The following PTPDC1 variants were observed in gnomAD, a reference collection of about 807,000 sequenced individuals.
PTPDC1 encodes protein tyrosine phosphatase domain-containing protein 1.
A neutral mutation model predicts 75.3 loss-of-function variants in PTPDC1; 53 were observed. The ratio of observed to expected loss-of-function variants is 0.70; its 90% CI spans 0.56 to 0.88. The LOEUF is 0.88. Among genes scored for constraint, PTPDC1 ranks in the 40% least tolerant of loss-of-function variants. The probability of loss-of-function intolerance (pLI) is 0.00; values close to 1 mark genes in which losing one functional copy is unlikely to be tolerated. For synonymous variants in PTPDC1, 349 were observed against 366.2 expected (o/e 0.95, Z 0.54); for missense variants, 925 against 998.6 (o/e 0.93, Z 0.99).
Position 94,097,757 on chromosome 9 carries a change from G to T in PTPDC1, c.1191G>T (p.Val397=), listed in dbSNP as rs145263630. ...DKELLRHDSD[V]SNPPNPTAVA... is the part of the protein sequence containing the mutation. Reference sequence around the variant, plus strand: ...AGTTACTGAGGCATGACAGTGATGTGTCCAACCCGCCTAACCCCACTGCAG... The same window carrying T: ...AGTTACTGAGGCATGACAGTGATGTTTCCAACCCGCCTAACCCCACTGCAG... The change falls in exon 6 of 9, where the codon GTG becomes GTT. Residue 397 remains valine, a synonymous_variant. Transcript: ENST00000620992. 2.4e-4 allele frequency: 385 copies of T among 1,614,176 alleles called. 1 individual carries two copies. The highest frequency in any genetic ancestry group is 8.2e-4 in the Middle Eastern group (5 of 6,062).
At chr9:94,087,488 T>A (rs1329475267) in intron 2 of PTPDC1, among the ~76,000 whole-genome samples, 1 of 152,204 alleles carries the variant, frequency 6.6e-6, no homozygotes, top group Non-Finnish European at 1.5e-5. Context: ...AAAAAGCAGA[T>A]AAATAAGAAT....
Position 94,097,722 on chromosome 9 carries a change from C to G in PTPDC1, c.1156C>G (p.Leu386Val), listed in dbSNP as rs1229282685. 1 of 1,614,144 alleles carries G rather than the reference C, an allele frequency of 6.2e-7. No homozygotes were observed. The highest frequency in any genetic ancestry group is 8.5e-7 in the Non-Finnish European group (1 of 1,179,990). The change falls in exon 6 of 9, where the codon CTG becomes GTG. Residue 386 changes from leucine to valine, a missense_variant. Physicochemically the swap from Leu to Val is conservative, Grantham distance 32. Transcript: ENST00000620992. ...AATGTCTGAGATGGTCACCATGCAG[C>G]TGGATAAAGAGTTACTGAGGCATGA... is the stretch of plus-strand genomic sequence containing the variant. ...KTMSEMVTMQ[L>V]DKELLRHDSD...
intron 8 of PTPDC1, among the ~76,000 whole-genome samples, chr9:94,107,602 C>T (rs912581799): frequency 1.1e-4 from 17 of 152,156 alleles, no homozygotes; most frequent in African/African-American, 4.1e-4. Flanking sequence ...GACTAAATAT[C>T]CAGGCACTAG....
At chr9:94,106,383 A>G (rs1037922053) in intron 8 of PTPDC1, among the ~76,000 whole-genome samples, 2 of 152,194 alleles carry the variant, frequency 1.3e-5, no homozygotes, top group Non-Finnish European at 2.9e-5. Flanking sequence ...CTTCAGGGCA[A>G]AGGTTGGCAG....
In PTPDC1 at chr9:94,076,114, C is replaced by T. The variant is rs551219487; in HGVS notation, c.83-9137C>T. On this transcript the variant is annotated intron_variant, in intron 2 of 9. Transcript: ENST00000375360. ...TCCCAGTTTTCAAGCAATTCTTCTGCCTCAGCCTCTCAAGTAGCTGGGATT... is the reference window on the plus strand; with the variant it reads ...TCCCAGTTTTCAAGCAATTCTTCTGTCTCAGCCTCTCAAGTAGCTGGGATT... 2.6e-5 allele frequency among the ~76,000 whole-genome samples: 4 copies of T among 152,262 alleles called. No homozygotes were observed. The East Asian group carries it at 5.8e-4, about 22-fold the overall frequency.
intron 1 of PTPDC1, among the ~76,000 whole-genome samples, chr9:94,047,171 A>G (rs1288431905): frequency 1.3e-5 from 2 of 152,234 alleles, no homozygotes; most frequent in Non-Finnish European, 2.9e-5. Flanking sequence ...ATGTTGAACC[A>G]GCCTTGCATC....
chr9:94,055,379 A>G lies in PTPDC1; in HGVS notation c.-6-9355A>G, dbSNP rs1475811755. Among the ~76,000 whole-genome samples the G allele has an allele frequency of 2.6e-5, 4 of 152,354 alleles. No individual in the cohort carries two copies. The East Asian group carries it at 5.8e-4, about 22-fold the overall frequency. Reference sequence around the variant, plus strand: ...AGATGAGCAGAAAACTTAGGTCTACACAGAAATCTGCACATGAATGTGTAT... The same window carrying G: ...AGATGAGCAGAAAACTTAGGTCTACGCAGAAATCTGCACATGAATGTGTAT... On this transcript the variant is annotated intron_variant, in intron 1 of 9. Transcript: ENST00000375360.
At chr9:94,104,203 A>G in intron 7 of PTPDC1, 72 bp from the exon 8 acceptor site, 1 of 964,114 alleles carries the variant, frequency 1.0e-6, no homozygotes, top group East Asian at 2.5e-5. Flanking sequence ...TCTTGACTCT[A>G]CGATAGTTTT....
chr9:94,095,217 A>G (rs1827511042), intron 4 of PTPDC1, 100 bp from the exon 5 acceptor site: 2 of 856,928 alleles, frequency 2.3e-6, no homozygotes, highest in South Asian at 1.7e-5. Context: ...TGAGATCTAC[A>G]TGCCTCAGTC....
At chr9:94,035,139 T>G (rs1825224552) in intron 1 of PTPDC1, among the ~76,000 whole-genome samples, 1 of 152,206 alleles carries the variant, frequency 6.6e-6, no homozygotes, top group Non-Finnish European at 1.5e-5. Context: ...ATTGCCTGTT[T>G]AATTGGTGTT....
chr9:94,032,304 A>T (rs1829743733), intron 1 of PTPDC1, among the ~76,000 whole-genome samples: 1 of 152,168 alleles, frequency 6.6e-6, no homozygotes, highest in Non-Finnish European at 1.5e-5. Flanking sequence ...ACAGGGCTGG[A>T]GGATCTGCAT....
At chr9:94,083,266 C>G (rs1002166946), upstream of PTPDC1, among the ~76,000 whole-genome samples, 1 of 152,142 alleles carries the variant, frequency 6.6e-6, no homozygotes, top group Non-Finnish European at 1.5e-5. Context: ...CATATAATTC[C>G]TCCGACAGGA....
chr9:94,042,828 G>T (rs571258436), intron 1 of PTPDC1, among the ~76,000 whole-genome samples: 1 of 152,150 alleles, frequency 6.6e-6, no homozygotes. Flanking sequence ...CTTAAACCCT[G>T]CCACTGCTTT....
chr9:94,040,692 A>G (rs1825403824), intron 1 of PTPDC1, among the ~76,000 whole-genome samples: 1 of 152,158 alleles, frequency 6.6e-6, no homozygotes, highest in African/African-American at 2.4e-5. Flanking sequence ...TTATTTTTAC[A>G]TATTTGTACA....
At chr9:94,078,192 G>A (rs1031695360) in intron 2 of PTPDC1, among the ~76,000 whole-genome samples, 34 of 152,084 alleles carry the variant, frequency 2.2e-4, no homozygotes, top group African/African-American at 6.8e-4. Context: ...TTTCTTACAC[G>A]CTAAGTCTGC....
chr9:94,069,122 C>T (rs1826420404), intron 2 of PTPDC1, among the ~76,000 whole-genome samples: 1 of 152,276 alleles, frequency 6.6e-6, no homozygotes. Context: ...GGAAATATAA[C>T]CAAGATCTGG....
At position 94,085,236 on chromosome 9, in the gene PTPDC1, C is replaced by A. The variant is rs1474453573; in HGVS notation, c.245-15C>A. The A allele has an allele frequency of 6.2e-7, 1 of 1,605,426 alleles. No homozygotes were observed. Among genetic ancestry groups the A allele is most frequent in the African/African-American group, 1.3e-5 (1 of 74,588 alleles). On this transcript the variant is annotated splice_polypyrimidine_tract_variant and intron_variant, in intron 1 of 8. Transcript: ENST00000620992. ...AGAGTGGAATTTTGAATTTTCCTTT[C>A]CTTATATGTTCTAGGAAATTTAGAA...
rs142408898 is a variant in PTPDC1, at chr9:94,097,854, C to T, written c.1288C>T (p.Arg430Trp). Reference protein sequence around the residue: ...EQQFDPLWKRRNVECLQPLTH... With the variant: ...EQQFDPLWKRWNVECLQPLTH... ...ACAGTTTGACCCTCTTTGGAAAAGG[C>T]GGAATGTTGAGTGCCTTCAACCCCT... Residue 430 changes from arginine to tryptophan, a missense_variant, in exon 6 of 9, where the codon CGG becomes TGG. Transcript: ENST00000620992. 3.6e-4 allele frequency: 576 copies of T among 1,614,110 alleles called. 1 individual carries two copies. The highest frequency in any genetic ancestry group is 4.5e-4 in the Non-Finnish European group (536 of 1,180,040).
chr9:94,038,093 GA>G, intron 1 of PTPDC1: 10 of 553,714 alleles, frequency 1.8e-5, no homozygotes, highest in Non-Finnish European at 2.7e-5. Context: ...ACACACCGTG[GA>G]AAAGGGAGGC....
Sources: allele counts gnomAD v4.1 joint callset (sites outside exome capture counted in the v4.1 genomes callset), GRCh38; gene constraint gnomAD v4.1.1; transcripts MANE v1.5; gene names NCBI Gene and HGNC (gene_info 2026-07-23, HGNC 2026-07-21).